The following ITGA8 variants were observed in gnomAD, a reference collection of about 807,000 sequenced individuals.
ITGA8 encodes integrin alpha-8.
In ITGA8, 91 loss-of-function variants were observed where a neutral mutation model predicts 142.3. The observed-to-expected ratio is 0.64, with a 90% CI of 0.54 to 0.76. The LOEUF is 0.76. Among genes scored for constraint, ITGA8 ranks in the 30% least tolerant of loss-of-function variants. ITGA8 has a pLI of 0.00. For missense variants in ITGA8, 1,406 were observed against 1,327.7 expected (o/e 1.06, Z -0.92); for synonymous variants, 505 against 485.2 (o/e 1.04, Z -0.54).
intron 7 of ITGA8, among the ~76,000 whole-genome samples, chr10:15,672,177 A>G (rs1247901500): frequency 1.3e-5 from 2 of 152,204 alleles, no homozygotes; most frequent in African/African-American, 4.8e-5. Flanking sequence ...CAAATTCATC[A>G]AGCAATCAAA....
Position 15,607,689 on chromosome 10 carries a change from G to A in ITGA8, c.1752C>T (p.Ile584=), listed in dbSNP as rs748985706. ...RQKSHQCQDF[I]VYLRDETEFR... Reference sequence around the variant, plus strand: ...CTGGAATACTTACTCGAAGGTAAACGATGAAATCCTGGCACTGGTGGGATT... The same window carrying A: ...CTGGAATACTTACTCGAAGGTAAACAATGAAATCCTGGCACTGGTGGGATT... Residue 584 remains isoleucine (I), a synonymous_variant, in exon 17 of 30, where the codon ATC becomes ATT. Transcript: ENST00000378076. 6.8e-6 allele frequency: 11 copies of A among 1,613,752 alleles called. No homozygotes were observed. Among genetic ancestry groups the A allele is most frequent in the East Asian group, 2.2e-5 (1 of 44,866 alleles).
intron 8 of ITGA8, among the ~76,000 whole-genome samples, chr10:15,670,958 G>A (rs935994383): frequency 6.6e-5 from 10 of 152,014 alleles, no homozygotes; most frequent in Non-Finnish European, 1.0e-4. Context: ...ACCCCCCACC[G>A]TCATCATCCC....
chr10:15,595,908 C>T lies in ITGA8; in HGVS notation c.2211+1299G>A, dbSNP rs550337798. Among the ~76,000 whole-genome samples, 12 of 152,178 alleles carry T rather than the reference C, an allele frequency of 7.9e-5. No homozygotes were observed. In the East Asian group the frequency reaches 1.5e-3, roughly 20 times the overall value. On this transcript the variant is annotated intron_variant, in intron 21 of 29. Coordinates refer to ENST00000378076, the MANE Select transcript of ITGA8 (RefSeq NM_003638.3). The stretch of plus-strand genomic sequence containing the variant: ...TCTCTACTAAAAATACAAAATTAGC[C>T]GGGCATGTTGGCATGCACCTGTAAT...
At chr10:15,619,220 T>C (rs1833446112) in intron 13 of ITGA8, among the ~76,000 whole-genome samples, 1 of 152,238 alleles carries the variant, frequency 6.6e-6, no homozygotes, top group Non-Finnish European at 1.5e-5. Flanking sequence ...TTAAATGCAC[T>C]GCTTGTTTTC....
At chr10:15,549,853 G>C (rs1833761820) in intron 26 of ITGA8, among the ~76,000 whole-genome samples, 3 of 152,154 alleles carry the variant, frequency 2.0e-5, no homozygotes. Flanking sequence ...TCTGCAAAGG[G>C]GTTAGTAATA....
intron 13 of ITGA8, among the ~76,000 whole-genome samples, chr10:15,617,078 ATAAC>A (rs1384695625): frequency 6.6e-6 from 1 of 152,228 alleles, no homozygotes; most frequent in Non-Finnish European, 1.5e-5. Context: ...AGTATATAAA[ATAAC>A]TAACATATTA....
chr10:15,662,301 C>T (rs1834303222), intron 8 of ITGA8, among the ~76,000 whole-genome samples: 1 of 136,286 alleles, frequency 7.3e-6, no homozygotes, highest in African/African-American at 2.7e-5. Context: ...TTTTCAATAA[C>T]TCAAGGTGAA....
intron 26 of ITGA8, among the ~76,000 whole-genome samples, chr10:15,553,041 G>A (rs1833820321): frequency 6.6e-6 from 1 of 152,198 alleles, no homozygotes; most frequent in Non-Finnish European, 1.5e-5. Flanking sequence ...ACGTTCACTT[G>A]AGGTCAGGAG....
intron 6 of ITGA8, among the ~76,000 whole-genome samples, chr10:15,675,925 T>C (rs1193408209): frequency 6.6e-6 from 1 of 152,166 alleles, no homozygotes; most frequent in Admixed American, 6.5e-5. Context: ...TTTCAGCAAA[T>C]CATTTGTATC....
chr10:15,695,240 G>C (rs1392521132), intron 2 of ITGA8, among the ~76,000 whole-genome samples: 2 of 152,126 alleles, frequency 1.3e-5, no homozygotes, highest in Non-Finnish European at 2.9e-5. Flanking sequence ...GATTATAACA[G>C]AGCAGAATTG....
chr10:15,653,350 T>C (rs1834124560), intron 11 of ITGA8, among the ~76,000 whole-genome samples: 2 of 152,216 alleles, frequency 1.3e-5, no homozygotes, highest in Admixed American at 1.3e-4. Context: ...ATAGACTTTT[T>C]TTTTAGAGCA....
At chr10:15,715,388 TG>T (rs1372316586) in intron 2 of ITGA8, among the ~76,000 whole-genome samples, 1 of 152,140 alleles carries the variant, frequency 6.6e-6, no homozygotes, top group Non-Finnish European at 1.5e-5. Context: ...CAAAGCTCCT[TG>T]GGGGCTTAGT....
intron 13 of ITGA8, among the ~76,000 whole-genome samples, chr10:15,629,662 C>T (rs191414870): frequency 1.3e-5 from 2 of 152,180 alleles, no homozygotes; most frequent in East Asian, 3.9e-4. Flanking sequence ...CATGGTGGCT[C>T]ATGCCTGGAA....
chr10:15,536,559 C>T (rs981769494), intron 27 of ITGA8, among the ~76,000 whole-genome samples: 3 of 152,164 alleles, frequency 2.0e-5, no homozygotes, highest in African/African-American at 7.2e-5. Context: ...TTCAATATAA[C>T]CTCTCTCCCA....
intron 26 of ITGA8, among the ~76,000 whole-genome samples, chr10:15,553,302 G>GTTTT (rs5783451): frequency 6.9e-5 from 9 of 131,138 alleles, no homozygotes; most frequent in Non-Finnish European, 8.3e-5. Context: ...AGTTGCCATA[G>GTTTT]TTTTTTTTTT....
intron 25 of ITGA8, among the ~76,000 whole-genome samples, chr10:15,561,225 A>ATATATATATATG (rs1322322589): frequency 9.8e-6 from 1 of 102,040 alleles, no homozygotes; most frequent in Non-Finnish European, 2.0e-5. Flanking sequence ...ATATATATAT[A>ATATATATATATG]TATATATATG....
chr10:15,628,115 A>G (rs1204288971), intron 13 of ITGA8, among the ~76,000 whole-genome samples: 1 of 151,866 alleles, frequency 6.6e-6, no homozygotes, highest in East Asian at 1.9e-4. Context: ...AACGGGAGGA[A>G]CCCTCAGTTC....
chr10:15,695,147 A>G (rs552243880), intron 2 of ITGA8, among the ~76,000 whole-genome samples: 1 of 152,186 alleles, frequency 6.6e-6, no homozygotes, highest in African/African-American at 2.4e-5. Context: ...GCAAGTGTCA[A>G]CTGGGCAATT....
At position 15,719,864 on chromosome 10, in the gene ITGA8, G is replaced by T; in HGVS notation, c.-93C>A. The T allele has an allele frequency of 1.0e-6, 1 of 993,180 alleles. No individual in the cohort carries two copies. The highest frequency in any genetic ancestry group is 1.3e-6 in the Non-Finnish European group (1 of 756,566). The allele number at this position is 993,180 out of a possible 1,614,324, so 61.5% of individuals were successfully genotyped here. Reference sequence around the variant, plus strand: ...GGCTGGTGGAATCTGGCGGTCCCCAGCTGCCCGTGTCCCGGGTCGGTGCGC... The same window carrying T: ...GGCTGGTGGAATCTGGCGGTCCCCATCTGCCCGTGTCCCGGGTCGGTGCGC... On this transcript the variant is annotated 5_prime_UTR_variant, in exon 1 of 30. It adds an upstream start codon to the 5' untranslated region. Coordinates refer to ENST00000378076, the MANE Select transcript of ITGA8 (RefSeq NM_003638.3).
Sources: gnomAD v4.1 joint callset for allele counts (sites outside exome capture counted in the v4.1 genomes callset) on GRCh38, gnomAD v4.1.1 for gene constraint, MANE v1.5 for transcripts, NCBI Gene and HGNC (gene_info 2026-07-23, HGNC 2026-07-21) for gene names.